Variants in NTRK3 observed in about 807,000 individuals in gnomAD.
NTRK3 encodes neurotrophic receptor tyrosine kinase 3.
In NTRK3, 24 loss-of-function variants were observed where a neutral mutation model predicts 91.7. The ratio of observed to expected loss-of-function variants is 0.26; its 90% CI spans 0.19 to 0.37. The LOEUF is 0.37. Among genes scored for constraint, NTRK3 ranks in the 10% least tolerant of loss-of-function variants. NTRK3 has a pLI of 1.00. For missense variants in NTRK3, 880 were observed against 1,068.9 expected (o/e 0.82, Z 2.46); for synonymous variants, 483 against 404.0 (o/e 1.20, Z -2.34).
chr15:88,105,088 C>T (rs1387963446), intron 13 of NTRK3, among the ~76,000 whole-genome samples: 1 of 152,192 alleles, frequency 6.6e-6, no homozygotes. Flanking sequence ...CTTCATTCAT[C>T]TTCCCAAATG....
At chr15:87,971,799 T>C (rs982793718) in intron 14 of NTRK3, among the ~76,000 whole-genome samples, 1 of 152,188 alleles carries the variant, frequency 6.6e-6, no homozygotes, top group Non-Finnish European at 1.5e-5. Context: ...GCCCCATCCC[T>C]AGAAGAGCAC....
At chr15:87,986,015 C>A (rs2074742952) in intron 14 of NTRK3, among the ~76,000 whole-genome samples, 1 of 152,148 alleles carries the variant, frequency 6.6e-6, no homozygotes, top group Non-Finnish European at 1.5e-5. Context: ...GGTGAAGTGA[C>A]CTCTTAGAAT....
At chr15:87,866,932 TC>T (rs2064697599) in exon 19 of NTRK3, 1 of 214,436 alleles carries the variant, frequency 4.7e-6, no homozygotes. Flanking sequence ...ATATAGCATA[TC>T]CACTCTCATA....
intron 4 of NTRK3, among the ~76,000 whole-genome samples, chr15:88,183,956 G>A (rs2046741522): frequency 1.3e-5 from 2 of 152,106 alleles, no homozygotes; most frequent in African/African-American, 4.8e-5. Flanking sequence ...CTGGGTTCTA[G>A]GCCTGCCTTG....
chr15:87,917,696 G>A (rs982129852), intron 17 of NTRK3, among the ~76,000 whole-genome samples: 2 of 152,186 alleles, frequency 1.3e-5, no homozygotes, highest in Non-Finnish European at 2.9e-5. Flanking sequence ...CAGGTAGTAA[G>A]TGAGTTATTC....
intron 14 of NTRK3, among the ~76,000 whole-genome samples, chr15:87,968,525 A>AG (rs1230833029): frequency 6.6e-6 from 1 of 152,170 alleles, no homozygotes; most frequent in Non-Finnish European, 1.5e-5. Flanking sequence ...TCTTCAAGGT[A>AG]GAAAAAAAAA....
In NTRK3 at chr15:88,234,763, C is replaced by T. The variant is rs1204462569; in HGVS notation, c.248+21143G>A. Reference sequence around the variant, plus strand: ...TGTTTAAAAGGAAAACCCTCTGGGACTTCCTATTTTGCTAGGACTAAAATC... The same window carrying T: ...TGTTTAAAAGGAAAACCCTCTGGGATTTCCTATTTTGCTAGGACTAAAATC... On this transcript the variant is annotated intron_variant, in intron 3 of 18. Transcript: ENST00000394480. This position sits in a 1 kb window ranked among gnomAD's most constrained non-coding sequence, Gnocchi z 6.1. Among the ~76,000 whole-genome samples, 1 of 152,232 alleles carries T rather than the reference C, an allele frequency of 6.6e-6. No homozygotes were observed. The highest frequency in any genetic ancestry group is 2.4e-5 in the African/African-American group (1 of 41,464).
intron 14 of NTRK3, among the ~76,000 whole-genome samples, chr15:87,959,640 C>T (rs1263425130): frequency 1.3e-5 from 2 of 152,174 alleles, no homozygotes; most frequent in African/African-American, 2.4e-5. Flanking sequence ...GCTCGGGTCT[C>T]GATCTTCATG....
intron 13 of NTRK3, among the ~76,000 whole-genome samples, chr15:88,078,710 T>C (rs2047776607): frequency 6.6e-6 from 1 of 152,124 alleles, no homozygotes; most frequent in African/African-American, 2.4e-5. Flanking sequence ...CTCTGCCACC[T>C]TGTGACCTCA....
chr15:88,124,545 A>T (rs765230064), intron 13 of NTRK3, among the ~76,000 whole-genome samples: 4 of 152,222 alleles, frequency 2.6e-5, no homozygotes, highest in Non-Finnish European at 4.4e-5. Context: ...CAAGGCCCTG[A>T]TGTTTTCTCA....
rs2052341208 is a variant in NTRK3 at position 88,241,443 on chromosome 15, A to T, written c.248+14463T>A. On this transcript the variant is annotated intron_variant, in intron 3 of 18. Coordinates refer to ENST00000394480, the Ensembl canonical transcript of NTRK3. The surrounding 1 kb of genome is among the most constrained non-coding windows in gnomAD (Gnocchi z 4.3). Reference sequence around the variant, plus strand: ...ATCATTTCCAGGGAGACAGAACATGACCCCGGAAAATGAACCCTAGATGCA... The same window carrying T: ...ATCATTTCCAGGGAGACAGAACATGTCCCCGGAAAATGAACCCTAGATGCA... Among the ~76,000 whole-genome samples, 1 of 151,956 alleles carries T rather than the reference A, an allele frequency of 6.6e-6. No individual in the cohort carries two copies. Among genetic ancestry groups the T allele is most frequent in the African/African-American group, 2.4e-5 (1 of 41,338 alleles).
intron 14 of NTRK3, among the ~76,000 whole-genome samples, chr15:87,955,053 G>C (rs1351863917): frequency 6.6e-6 from 1 of 152,194 alleles, no homozygotes. Flanking sequence ...CATTGCATTT[G>C]GGAAGTGTGA....
chr15:88,019,166 C>T (rs1480573816), intron 14 of NTRK3, among the ~76,000 whole-genome samples: 4 of 152,188 alleles, frequency 2.6e-5, no homozygotes. Flanking sequence ...AGGTTGCTCT[C>T]CCTAAGAGGA....
chr15:88,079,094 G>C (rs2047817443), intron 13 of NTRK3, among the ~76,000 whole-genome samples: 2 of 152,206 alleles, frequency 1.3e-5, no homozygotes, highest in Admixed American at 6.5e-5. Context: ...TGTTGGCGGA[G>C]GGGTGGCGTT....
At chr15:87,914,077 A>T (rs2067278194) in intron 17 of NTRK3, among the ~76,000 whole-genome samples, 1 of 152,188 alleles carries the variant, frequency 6.6e-6, no homozygotes, top group Non-Finnish European at 1.5e-5. Context: ...AGGCTTTCTT[A>T]GCTGGATGTC....
rs528498489 is a variant in NTRK3, at chr15:88,114,426, C to CAA, written c.1396+11843_1396+11844dup. On this transcript the variant is annotated intron_variant, in intron 13 of 18. Coordinates refer to ENST00000394480, the Ensembl canonical transcript of NTRK3. ...ATATTTTCTCTTTATTTTACAACAA[C>CAA]AAAAAAAAATGGCATTAGAGAAACT... 6.0e-3 allele frequency among the ~76,000 whole-genome samples: 909 copies of CAA among 150,934 alleles called. 10 individuals carry two copies. The highest frequency in any genetic ancestry group is 0.021 in the African/African-American group (856 of 41,192).
rs2071052472 is a variant in NTRK3, at chr15:87,950,970, G to GAA, written c.1586-10218_1586-10217insTT. 2.0e-5 allele frequency among the ~76,000 whole-genome samples: 3 copies of GAA among 152,322 alleles called. No homozygotes were observed. The South Asian group carries it at 6.2e-4, about 32-fold the overall frequency. On this transcript the variant is annotated intron_variant, in intron 14 of 18. Coordinates refer to ENST00000394480, the Ensembl canonical transcript of NTRK3. Reference sequence around the variant, plus strand: ...ATAGAGTATCCATGTCTTCAGGACAGTTTTTAGTCTGATATTTGAGAATTC... The same window carrying GAA: ...ATAGAGTATCCATGTCTTCAGGACAGAATTTTTAGTCTGATATTTGAGAATTC...
Position 88,181,221 on chromosome 15 carries a change from G to A in NTRK3, c.395+2197C>T, listed in dbSNP as rs74027795. The stretch of plus-strand genomic sequence containing the variant: ...GAGAAAACAGGGCCCAAAGTCATGG[G>A]CAGGTTCAATGGTATCCTTGGGTCC... On this transcript the variant is annotated intron_variant, in intron 5 of 18. Coordinates refer to ENST00000394480, the Ensembl canonical transcript of NTRK3. Among the ~76,000 whole-genome samples the A allele has an allele frequency of 8.3e-3, 1,267 of 152,256 alleles. 22 individuals carry two copies. The highest frequency in any genetic ancestry group is 0.029 in the African/African-American group (1,196 of 41,540).
intron 14 of NTRK3, among the ~76,000 whole-genome samples, chr15:87,986,258 C>T (rs550363004): frequency 1.3e-5 from 2 of 152,326 alleles, no homozygotes; most frequent in Middle Eastern, 3.4e-3. Flanking sequence ...TCTTTTGACT[C>T]TTTTCAAATG....
Sources: gnomAD v4.1 joint callset for allele counts (sites outside exome capture counted in the v4.1 genomes callset) on GRCh38, gnomAD v4.1.1 for gene constraint, Gnocchi (gnomAD v3.1) non-coding constraint, MANE v1.5 for transcripts, NCBI Gene and HGNC (gene_info 2026-07-23, HGNC 2026-07-21) for gene names.